The following SPEF2 variants were observed in gnomAD, a reference collection of about 807,000 sequenced individuals.
SPEF2 encodes the protein sperm flagellar and cilia associated 2.
A neutral mutation model predicts 224.6 loss-of-function variants in SPEF2; 187 were observed. That is an observed-to-expected ratio of 0.83 (90% CI 0.74 to 0.94). SPEF2 has a LOEUF of 0.94. Among genes scored for constraint, SPEF2 ranks in the 40% least tolerant of loss-of-function variants. The pLI, the probability that SPEF2 is intolerant of heterozygous loss-of-function variation, is 0.00. For synonymous variants in SPEF2, 715 were observed against 707.3 expected (o/e 1.01, Z -0.17); for missense variants, 2,170 against 2,135.6 (o/e 1.02, Z -0.32).
At chr5:35,808,090 C>T in intron 36 of SPEF2, 6 of 1,020,020 alleles carry the variant, frequency 5.9e-6, no homozygotes, top group Non-Finnish European at 7.0e-6. Flanking sequence ...TTACATTTTG[C>T]AGTTTTCTTC....
intron 23 of SPEF2, among the ~76,000 whole-genome samples, chr5:35,746,012 C>A (rs1748471461): frequency 6.6e-6 from 1 of 152,192 alleles, no homozygotes. Context: ...GTGCAGACAA[C>A]CCCCAGTACC....
intron 13 of SPEF2, 139 bp downstream of exon 13, chr5:35,694,502 A>C: frequency 1.5e-6 from 1 of 658,940 alleles, no homozygotes; most frequent in Non-Finnish European, 2.6e-6. Flanking sequence ...ACATATGGCC[A>C]TTTGACAGAG....
chr5:35,700,332 T>C, intron 15 of SPEF2, 164 bp from the exon 16 acceptor site: 1 of 653,134 alleles, frequency 1.5e-6, no homozygotes. Context: ...AGCAAGGGAG[T>C]GATTGTGGCA....
chr5:35,651,644 A>T (rs1232762476), intron 6 of SPEF2, among the ~76,000 whole-genome samples: 1 of 152,186 alleles, frequency 6.6e-6, no homozygotes, highest in Non-Finnish European at 1.5e-5. Flanking sequence ...TTCATGCTGA[A>T]TCTTAGCTTA....
chr5:35,625,209 A>G (rs1744073298), intron 1 of SPEF2, among the ~76,000 whole-genome samples: 1 of 152,070 alleles, frequency 6.6e-6, no homozygotes, highest in Non-Finnish European at 1.5e-5. Context: ...TTTATAAACT[A>G]CTCTGACAAT....
intron 23 of SPEF2, among the ~76,000 whole-genome samples, chr5:35,741,507 G>A (rs1365234154): frequency 6.6e-6 from 1 of 152,214 alleles, no homozygotes; most frequent in Non-Finnish European, 1.5e-5. Flanking sequence ...CAGAGAGATT[G>A]TTGGGTAACC....
intron 34 of SPEF2, among the ~76,000 whole-genome samples, 187 bp downstream of exon 34, chr5:35,800,334 C>T (rs1293331270): frequency 6.6e-6 from 1 of 152,066 alleles, no homozygotes; most frequent in Non-Finnish European, 1.5e-5. Flanking sequence ...GACCCAATTG[C>T]CATCAAAGAT....
At chr5:35,626,910 A>C (rs981434523) in intron 1 of SPEF2, among the ~76,000 whole-genome samples, 1 of 152,150 alleles carries the variant, frequency 6.6e-6, no homozygotes, top group African/African-American at 2.4e-5. Flanking sequence ...TCCTACAACC[A>C]CACAACCAAG....
chr5:35,618,176 T>G (rs951418065), intron 1 of SPEF2, 121 bp downstream of exon 1: 1 of 1,074,240 alleles, frequency 9.3e-7, no homozygotes, highest in Non-Finnish European at 1.4e-6. Context: ...GTGGGGCACC[T>G]GCGTAGCCGG....
intron 21 of SPEF2, among the ~76,000 whole-genome samples, chr5:35,728,359 C>T (rs895554199): frequency 5.9e-5 from 9 of 152,198 alleles, no homozygotes; most frequent in African/African-American, 2.2e-4. Context: ...TAGCTCAACT[C>T]GCAAGGCCCA....
intron 5 of SPEF2, among the ~76,000 whole-genome samples, chr5:35,648,308 C>T (rs1747690515): frequency 6.6e-6 from 1 of 151,606 alleles, no homozygotes; most frequent in Admixed American, 6.6e-5. Context: ...CCTACAGAGG[C>T]TTTTATCTGA....
chr5:35,626,351 T>C (rs1744251828), intron 1 of SPEF2, among the ~76,000 whole-genome samples: 1 of 152,192 alleles, frequency 6.6e-6, no homozygotes. Context: ...AAAATGATGA[T>C]AAAACTGGTC....
chr5:35,739,668 A>C (rs1747250486), intron 21 of SPEF2, among the ~76,000 whole-genome samples: 1 of 152,188 alleles, frequency 6.6e-6, no homozygotes, highest in East Asian at 1.9e-4. Flanking sequence ...GGCATGAGCC[A>C]CCACCACGAC....
chr5:35,789,563 AG>A (rs1755666764), intron 30 of SPEF2: 1 of 652,714 alleles, frequency 1.5e-6, no homozygotes, highest in Admixed American at 2.5e-5. Context: ...TCAGAGGGAA[AG>A]AAAACATTTC....
At chr5:35,758,672 ATT>A (rs1370464352) in intron 24 of SPEF2, among the ~76,000 whole-genome samples, 1 of 152,150 alleles carries the variant, frequency 6.6e-6, no homozygotes, top group African/African-American at 2.4e-5. Flanking sequence ...TTCTCCACAT[ATT>A]GAACAAGAAA....
At chr5:35,716,545 C>A (rs1156317960) in intron 20 of SPEF2, among the ~76,000 whole-genome samples, 1 of 152,088 alleles carries the variant, frequency 6.6e-6, no homozygotes, top group Non-Finnish European at 1.5e-5. Context: ...AGTTCAACAG[C>A]AAAATATATA....
At chr5:35,663,500 C>T (rs567717299) in intron 8 of SPEF2, among the ~76,000 whole-genome samples, 1 of 152,152 alleles carries the variant, frequency 6.6e-6, no homozygotes, top group Non-Finnish European at 1.5e-5. Flanking sequence ...CAGGGCCCAC[C>T]TGAAAGCTGC....
intron 21 of SPEF2, among the ~76,000 whole-genome samples, chr5:35,739,572 G>A (rs1470142868): frequency 6.6e-6 from 1 of 152,178 alleles, no homozygotes; most frequent in Admixed American, 6.6e-5. Context: ...GTAGAGACAG[G>A]CTTTCTTGAT....
intron 15 of SPEF2, chr5:35,698,168 G>A: frequency 6.2e-6 from 1 of 160,906 alleles, no homozygotes; most frequent in Non-Finnish European, 1.4e-5. Context: ...GAGAAGGTCA[G>A]CAGGCTGGAG....
Sources: allele counts gnomAD v4.1 joint callset (sites outside exome capture counted in the v4.1 genomes callset), GRCh38; gene constraint gnomAD v4.1.1; transcripts MANE v1.5; gene names NCBI Gene and HGNC (gene_info 2026-07-23, HGNC 2026-07-21).